Variants in EBF1 observed in about 807,000 individuals in gnomAD.
EBF1 encodes the protein EBF transcription factor 1.
EBF1 carries 10 observed loss-of-function variants against 68.4 expected under a neutral mutation model. The ratio of observed to expected loss-of-function variants is 0.15; its 90% CI spans 0.09 to 0.25. EBF1 has a LOEUF of 0.25. Ranked by LOEUF, EBF1 falls within the 10% of genes least tolerant of loss-of-function variation. The probability of loss-of-function intolerance (pLI) is 1.00; values close to 1 mark genes in which losing one functional copy is unlikely to be tolerated. For synonymous variants in EBF1, 298 were observed against 299.8 expected, an observed-to-expected ratio of 0.99 and a Z score of 0.06; for missense variants, 509 against 794.4, an observed-to-expected ratio of 0.64 and a Z score of 4.32.
At chr5:159,091,612 T>A (rs2127997012) in intron 4 of EBF1, among the ~76,000 whole-genome samples, 1 of 152,236 alleles carries the variant, frequency 6.6e-6, no homozygotes, top group East Asian at 1.9e-4. Context: ...TATCTACCAA[T>A]GAAGAACCAT....
At chr5:158,705,989 G>A (rs541380318) in intron 15 of EBF1, among the ~76,000 whole-genome samples, 1 of 152,298 alleles carries the variant, frequency 6.6e-6, no homozygotes, top group Admixed American at 6.5e-5. Context: ...CCATATGTAT[G>A]ATCATTATTT....
At chr5:159,053,718 A>G (rs1264159663) in intron 6 of EBF1, among the ~76,000 whole-genome samples, 1 of 152,170 alleles carries the variant, frequency 6.6e-6, no homozygotes, top group African/African-American at 2.4e-5. Flanking sequence ...TGCAGACACA[A>G]AATGAGTATA....
At chr5:158,807,327 G>C (rs1345321055) in intron 8 of EBF1, among the ~76,000 whole-genome samples, 1 of 152,074 alleles carries the variant, frequency 6.6e-6, no homozygotes, top group African/African-American at 2.4e-5. Context: ...GGATTGGTGG[G>C]GATTGTGGCT....
chr5:158,953,514 C>T (rs1816465048), intron 6 of EBF1, among the ~76,000 whole-genome samples: 1 of 152,156 alleles, frequency 6.6e-6, no homozygotes, highest in South Asian at 2.1e-4. Context: ...TCAGTAAGGC[C>T]AGTTTAATCC....
chr5:158,989,242 G>A (rs931103348), intron 6 of EBF1, among the ~76,000 whole-genome samples: 2 of 152,180 alleles, frequency 1.3e-5, no homozygotes, highest in South Asian at 4.1e-4. Context: ...ACAAATTGGA[G>A]AAGAAGGGCT....
At chr5:158,839,366 TTTTG>T (rs551193774) in intron 7 of EBF1, among the ~76,000 whole-genome samples, 116 of 152,268 alleles carry the variant, frequency 7.6e-4, no homozygotes, top group Non-Finnish European at 8.5e-4. Context: ...CTTTACTGTT[TTTTG>T]TTTGTTTGTT....
chr5:158,848,937 A>G (rs1295320209), intron 6 of EBF1, among the ~76,000 whole-genome samples: 1 of 152,230 alleles, frequency 6.6e-6, no homozygotes, highest in Non-Finnish European at 1.5e-5. Context: ...CAAGACTTCA[A>G]AAAGTACAAA....
rs12659540 is a variant in EBF1 at position 159,095,569 on chromosome 5, C to T, written c.411+51G>A. 3 of 1,604,540 alleles carry T rather than the reference C, an allele frequency of 1.9e-6. No individual in the cohort carries two copies. In the Admixed American group the frequency reaches 5.0e-5, roughly 27 times the overall value. On this transcript the variant is annotated intron_variant, in intron 4 of 15. Transcript: ENST00000313708. ...GTGGAGCAACTAGCTTCTTGACTGC[C>T]CTGAATTTTGTGACATAGAGCCCCC... is the stretch of plus-strand genomic sequence containing the variant.
intron 15 of EBF1, among the ~76,000 whole-genome samples, chr5:158,705,204 G>A (rs1017479695): frequency 6.6e-6 from 1 of 152,034 alleles, no homozygotes; most frequent in Non-Finnish European, 1.5e-5. Context: ...TGGTCTCAAA[G>A]ACCTGACCTC....
intron 6 of EBF1, among the ~76,000 whole-genome samples, chr5:158,920,991 T>A (rs1808300166): frequency 6.6e-6 from 1 of 152,226 alleles, no homozygotes; most frequent in Non-Finnish European, 1.5e-5. Context: ...GGTACATATC[T>A]TCATCTGTCA....
At chr5:159,067,594 T>C (rs993930237) in intron 6 of EBF1, among the ~76,000 whole-genome samples, 5 of 152,246 alleles carry the variant, frequency 3.3e-5, no homozygotes, top group African/African-American at 1.2e-4. Context: ...AAATGGAATA[T>C]AGACTGCGAT....
chr5:159,096,245 G>T, intron 3 of EBF1, 98 bp downstream of exon 3: 1 of 1,295,718 alleles, frequency 7.7e-7, no homozygotes, highest in Non-Finnish European at 1.1e-6. Context: ...GCGGATGACT[G>T]ACCTTCGCTG....
chr5:158,985,554 T>C (rs1207231388), intron 6 of EBF1, among the ~76,000 whole-genome samples: 1 of 152,234 alleles, frequency 6.6e-6, no homozygotes, highest in Non-Finnish European at 1.5e-5. Context: ...AGGCTTAATA[T>C]TGCATTCAAA....
At chr5:158,991,920 A>G (rs1244051883) in intron 6 of EBF1, among the ~76,000 whole-genome samples, 1 of 152,108 alleles carries the variant, frequency 6.6e-6, no homozygotes, top group African/African-American at 2.4e-5. Context: ...ACACATTTTA[A>G]ATTAAAAGCA....
intron 6 of EBF1, among the ~76,000 whole-genome samples, chr5:158,961,899 A>G (rs1429919757): frequency 1.3e-5 from 2 of 152,336 alleles, no homozygotes; most frequent in East Asian, 1.9e-4. Context: ...TTGAAATCCT[A>G]GAAAGTCTTA....
At position 158,777,513 on chromosome 5, in the gene EBF1, C is replaced by T; in HGVS notation, c.936G>A (p.Val312=). Reference sequence around the variant, plus strand: ...CAGGGATGTGCCGAGGAGGGGTCTGCACACGGATGGCATGAGGAGTGATCA... The same window carrying T: ...CAGGGATGTGCCGAGGAGGGGTCTGTACACGGATGGCATGAGGAGTGATCA... ...SELITPHAIR[V]QTPPRHIPGV... Residue 312 remains valine, a synonymous_variant, in exon 10 of 16, where the codon GTG becomes GTA. Coordinates refer to ENST00000313708, the MANE Select transcript of EBF1 (RefSeq NM_024007.5). 2 of 1,611,968 alleles carry T rather than the reference C, an allele frequency of 1.2e-6. No homozygotes were observed. The highest frequency in any genetic ancestry group is 1.7e-6 in the Non-Finnish European group (2 of 1,178,752).
At chr5:159,096,491 C>G in intron 2 of EBF1, 85 bp from the exon 3 acceptor site, 3 of 1,510,032 alleles carry the variant, frequency 2.0e-6, no homozygotes, top group South Asian at 2.4e-5. Flanking sequence ...AGGCAACTTT[C>G]CCCAAGCCGG....
intron 6 of EBF1, among the ~76,000 whole-genome samples, chr5:159,072,663 T>C (rs1165282389): frequency 6.6e-6 from 1 of 152,234 alleles, no homozygotes; most frequent in East Asian, 1.9e-4. Flanking sequence ...CATGTTTCCA[T>C]ACAATGAATT....
At chr5:158,743,313 A>C (rs987715586) in intron 10 of EBF1, among the ~76,000 whole-genome samples, 1 of 152,220 alleles carries the variant, frequency 6.6e-6, no homozygotes, top group Non-Finnish European at 1.5e-5. Flanking sequence ...GAAAGAGCAA[A>C]GGGAGTTATA....
Sources: allele counts gnomAD v4.1 joint callset (sites outside exome capture counted in the v4.1 genomes callset), GRCh38; gene constraint gnomAD v4.1.1; transcripts MANE v1.5; gene names NCBI Gene and HGNC (gene_info 2026-07-23, HGNC 2026-07-21).